NMT1: variants seen among roughly 807,000 people sequenced by gnomAD.
NMT1 encodes the protein glycylpeptide N-tetradecanoyltransferase 1.
NMT1 carries 12 observed loss-of-function variants against 63.4 expected under a neutral mutation model. The observed-to-expected ratio is 0.19, with a 90% CI of 0.12 to 0.31. NMT1 has a LOEUF of 0.31. NMT1 is among the 10% of genes least tolerant of loss of function. The pLI is 1.00. For synonymous variants in NMT1, 228 were observed against 234.3 expected, an observed-to-expected ratio of 0.97 and a Z score of 0.25; for missense variants, 432 against 634.6, an observed-to-expected ratio of 0.68 and a Z score of 3.43.
chr17:45,086,450 A>T, intron 2 of NMT1, 58 bp from the exon 3 acceptor site: 1 of 1,524,148 alleles, frequency 6.6e-7, no homozygotes, highest in Non-Finnish European at 8.8e-7. Context: ...ACTCATAATT[A>T]ATCAAAAGTC....
chr17:45,076,750 C>CA lies in NMT1; in HGVS notation c.132-4881dup, dbSNP rs796462258. ...GGGCAACAAGAGTGAAACTCTGTCT[C>CA]AAAAAAAAAAAAAGAAAAGAAAAAA... is the stretch of plus-strand genomic sequence containing the variant. On this transcript the variant is annotated intron_variant, in intron 1 of 11. Coordinates refer to ENST00000258960, the MANE Select transcript of NMT1 (RefSeq NM_021079.5). 5.8e-3 allele frequency among the ~76,000 whole-genome samples: 772 copies of CA among 132,198 alleles called. 2 individuals carry two copies. Among genetic ancestry groups the CA allele is most frequent in the African/African-American group, 0.012 (445 of 35,872 alleles). 86.7% of individuals were successfully genotyped at this position (132,198 alleles called of 152,430 possible).
chr17:45,068,954 GT>G (rs2053921544), intron 1 of NMT1, among the ~76,000 whole-genome samples: 1 of 135,446 alleles, frequency 7.4e-6, no homozygotes, highest in Non-Finnish European at 1.6e-5. Flanking sequence ...CTGGACTTTA[GT>G]TTTTTGTTTT....
chr17:45,071,745 G>A (rs72832823), intron 1 of NMT1, among the ~76,000 whole-genome samples: 167 of 152,116 alleles, frequency 1.1e-3, no homozygotes, highest in Non-Finnish European at 1.7e-3. Flanking sequence ...TTAGAGATGG[G>A]GTCTCACTTT....
At chr17:45,087,534 G>A (rs2054062706) in intron 3 of NMT1, among the ~76,000 whole-genome samples, 1 of 152,208 alleles carries the variant, frequency 6.6e-6, no homozygotes, top group African/African-American at 2.4e-5. Context: ...TGTTAGACGT[G>A]CCTGCCAAGA....
At chr17:45,092,853 C>T (rs2054098801) in intron 3 of NMT1, among the ~76,000 whole-genome samples, 1 of 152,156 alleles carries the variant, frequency 6.6e-6, no homozygotes, top group African/African-American at 2.4e-5. Context: ...TTGAAGACTC[C>T]ATTTTCCAAA....
intron 8 of NMT1, among the ~76,000 whole-genome samples, chr17:45,101,647 A>G (rs2054167179): frequency 6.6e-6 from 1 of 151,420 alleles, no homozygotes; most frequent in Non-Finnish European, 1.5e-5. Context: ...AAAGGAAAGA[A>G]AGAAAAAATC....
intron 3 of NMT1, among the ~76,000 whole-genome samples, chr17:45,092,141 C>G (rs995262686): frequency 2.0e-5 from 3 of 152,172 alleles, no homozygotes; most frequent in Non-Finnish European, 4.4e-5. Flanking sequence ...CTGCACTTTC[C>G]AGATCCTGAC....
rs565140698 is a variant in NMT1, at chr17:45,072,734, C to T, written c.132-8910C>T. Among the ~76,000 whole-genome samples, 252 of 149,848 alleles carry T rather than the reference C, an allele frequency of 1.7e-3. 4 individuals are homozygous for T. The highest frequency in any genetic ancestry group is 6.0e-3 in the African/African-American group (245 of 40,724). ...GCCACGATGCCTGCCTAATTTTTTG[C>T]GTTTTTAGTAGAGACGGGGTTTCAC... On this transcript the variant is annotated intron_variant, in intron 1 of 11. Transcript: ENST00000258960.
chr17:45,070,056 G>A (rs1034476990), intron 1 of NMT1, among the ~76,000 whole-genome samples: 2 of 152,052 alleles, frequency 1.3e-5, no homozygotes, highest in South Asian at 2.1e-4. Flanking sequence ...GTCTCATTCC[G>A]GTTTTAAGGA....
intron 2 of NMT1, among the ~76,000 whole-genome samples, chr17:45,084,020 T>G (rs2054033996): frequency 6.6e-6 from 1 of 152,052 alleles, no homozygotes; most frequent in African/African-American, 2.4e-5. Context: ...ATAATCTAAG[T>G]GAAAAACAGA....
In NMT1 at chr17:45,091,436, G is replaced by A. The variant is rs949533256; in HGVS notation, c.386-2249G>A. Among the ~76,000 whole-genome samples the A allele has an allele frequency of 1.3e-5, 2 of 152,160 alleles. 1 individual carries two copies. Among genetic ancestry groups the A allele is most frequent in the South Asian group, 4.1e-4 (2 of 4,824 alleles). ...GTGAGTGAATGGAAGTGCCTGTTGC[G>A]TGTAGGACCTAGTAGCCAGCCTAAA... On this transcript the variant is annotated intron_variant, in intron 3 of 11. Transcript: ENST00000258960.
Position 45,067,124 on chromosome 17 carries a change from G to A in NMT1, c.131+5664G>A, listed in dbSNP as rs1455681210. On this transcript the variant is annotated intron_variant, in intron 1 of 11. Transcript: ENST00000258960. ...AGTCAGATAAGATAACCTTTATGCA[G>A]CATCCCCCTGTAGTTCGTGATTCAT... Among the ~76,000 whole-genome samples, 4 of 151,410 alleles carry A rather than the reference G, an allele frequency of 2.6e-5. No homozygotes were observed. In the East Asian group the frequency reaches 7.7e-4, roughly 29 times the overall value.
chr17:45,067,678 C>T (rs1174565152), intron 1 of NMT1, among the ~76,000 whole-genome samples: 1 of 152,118 alleles, frequency 6.6e-6, no homozygotes, highest in Admixed American at 6.6e-5. Context: ...TAATTTCTCC[C>T]TTCAACTTTT....
intron 3 of NMT1, among the ~76,000 whole-genome samples, chr17:45,093,188 T>C (rs992618067): frequency 6.6e-6 from 1 of 152,242 alleles, no homozygotes; most frequent in Non-Finnish European, 1.5e-5. Context: ...TGGCTCACGC[T>C]GCTGAAAGCC....
chr17:45,081,716 C>A lies in NMT1; in HGVS notation c.204C>A (p.Gly68=). ...AACAAAAAAAGAAGAAAGAAAAAGGCAGTGAGACAGATTCAGCCCAGGATC... is the reference window on the plus strand; with the variant it reads ...AACAAAAAAAGAAGAAAGAAAAAGGAAGTGAGACAGATTCAGCCCAGGATC... ...KKKQKKKKEK[G]SETDSAQDQP... is the part of the protein sequence containing the mutation. The change falls in exon 2 of 12, where the codon GGC becomes GGA. Residue 68 remains glycine, a synonymous_variant. Coordinates refer to ENST00000258960, the MANE Select transcript of NMT1 (RefSeq NM_021079.5). The A allele has an allele frequency of 6.3e-7, 1 of 1,594,934 alleles. No individual in the cohort carries two copies. The highest frequency in any genetic ancestry group is 8.6e-7 in the Non-Finnish European group (1 of 1,169,362).
chr17:45,097,020 C>T (rs2054128895), intron 5 of NMT1, 108 bp from the exon 6 acceptor site: 1 of 778,240 alleles, frequency 1.3e-6, no homozygotes, highest in Non-Finnish European at 2.3e-6. Flanking sequence ...GCTATTAACC[C>T]TCAGGGAGGT....
chr17:45,090,343 T>A (rs1413938332), intron 3 of NMT1, among the ~76,000 whole-genome samples: 1 of 152,198 alleles, frequency 6.6e-6, no homozygotes, highest in Non-Finnish European at 1.5e-5. Flanking sequence ...TGTTTTAGTC[T>A]GTGTAACAAC....
intron 1 of NMT1, among the ~76,000 whole-genome samples, chr17:45,063,066 G>T (rs573419330): frequency 1.2e-3 from 177 of 152,036 alleles, no homozygotes; most frequent in African/African-American, 4.1e-3. Flanking sequence ...TTAGCCGGGC[G>T]TGGTGGCGGG....
In NMT1 at chr17:45,108,068, T is replaced by C. The variant is rs1281320353; in HGVS notation, c.*2429T>C. 6.6e-6 allele frequency: 1 copy of C among 152,230 alleles called. No homozygotes were observed. The highest frequency in any genetic ancestry group is 1.5e-5 in the Non-Finnish European group (1 of 68,066). 9.4% of individuals were successfully genotyped at this position (152,230 alleles called of 1,614,324 possible). ...GGGCCTCCCCACAGGAGCCCTGCAG[T>C]GTGGTAGCGCCATGGCTGTCTCAAA... On this transcript the variant is annotated 3_prime_UTR_variant, in exon 12 of 12. Transcript: ENST00000258960.
Sources: allele counts gnomAD v4.1 joint callset (sites outside exome capture counted in the v4.1 genomes callset), GRCh38; gene constraint gnomAD v4.1.1; transcripts MANE v1.5; gene names NCBI Gene and HGNC (gene_info 2026-07-23, HGNC 2026-07-21).